The following TLL1 variants were observed in gnomAD, a reference collection of about 807,000 sequenced individuals.
The protein encoded by TLL1 is tolloid-like protein 1.
A neutral mutation model predicts 128.2 loss-of-function variants in TLL1; 49 were observed. That is an observed-to-expected ratio of 0.38 (90% confidence interval 0.30 to 0.48). TLL1 has a LOEUF of 0.48. Ranked by LOEUF, TLL1 falls within the 20% of genes least tolerant of loss-of-function variation. TLL1 has a pLI of 0.96. For missense variants in TLL1, 1,123 were observed against 1,242.0 expected (o/e 0.90, Z 1.44); for synonymous variants, 454 against 418.8 (o/e 1.08, Z -1.03).
chr4:165,916,826 G>A (rs764202765), intron 1 of TLL1, among the ~76,000 whole-genome samples: 1 of 151,992 alleles, frequency 6.6e-6, no homozygotes, highest in Non-Finnish European at 1.5e-5. Context: ...TTTAGCATTT[G>A]CCCAAGAATT....
At chr4:166,058,324 C>T (rs539894561) in intron 14 of TLL1, among the ~76,000 whole-genome samples, 1 of 152,166 alleles carries the variant, frequency 6.6e-6, no homozygotes, top group Non-Finnish European at 1.5e-5. Context: ...TTAATATAGT[C>T]TTTAGGTATA....
chr4:166,059,965 C>T, intron 14 of TLL1, 63 bp from the exon 15 acceptor site: 1 of 1,585,438 alleles, frequency 6.3e-7, no homozygotes, highest in Non-Finnish European at 8.6e-7. Context: ...AATTAATGGA[C>T]AGGTGCTAAG....
At chr4:165,920,845 A>G (rs1353342934) in intron 1 of TLL1, among the ~76,000 whole-genome samples, 1 of 152,232 alleles carries the variant, frequency 6.6e-6, no homozygotes, top group African/African-American at 2.4e-5. Flanking sequence ...TAGGAGGGAA[A>G]GCAAAGGTCT....
chr4:165,943,010 A>G (rs1734087610), intron 1 of TLL1, among the ~76,000 whole-genome samples: 3 of 152,070 alleles, frequency 2.0e-5, no homozygotes. Flanking sequence ...TCACTTACCA[A>G]AGGTGAATAG....
At chr4:166,013,573 A>T (rs1428504523) in intron 7 of TLL1, among the ~76,000 whole-genome samples, 3 of 151,848 alleles carry the variant, frequency 2.0e-5, no homozygotes, top group Non-Finnish European at 1.5e-5. Flanking sequence ...TGGTAAATCC[A>T]CAAACACACA....
chr4:165,958,541 C>T (rs1243421404), intron 1 of TLL1, among the ~76,000 whole-genome samples: 1 of 150,190 alleles, frequency 6.7e-6, no homozygotes, highest in Non-Finnish European at 1.5e-5. Context: ...ATCCTTTGCC[C>T]ACTTTTTGAT....
intron 17 of TLL1, among the ~76,000 whole-genome samples, chr4:166,076,223 C>A (rs1391358340): frequency 6.6e-6 from 1 of 152,130 alleles, no homozygotes; most frequent in African/African-American, 2.4e-5. Context: ...CAGGTGCACA[C>A]CACCATGCCT....
intron 1 of TLL1, among the ~76,000 whole-genome samples, chr4:165,967,506 G>A (rs920765311): frequency 6.6e-6 from 1 of 152,212 alleles, no homozygotes; most frequent in Non-Finnish European, 1.5e-5. Flanking sequence ...CACAATTTAT[G>A]TTCTTCTGCC....
chr4:166,015,262 C>G (rs1737881593), intron 8 of TLL1, among the ~76,000 whole-genome samples: 1 of 152,024 alleles, frequency 6.6e-6, no homozygotes, highest in Non-Finnish European at 1.5e-5. Flanking sequence ...TTGCATAACA[C>G]AGTCTTTTCC....
chr4:166,098,411 T>C (rs575819833), intron 19 of TLL1, among the ~76,000 whole-genome samples: 1 of 152,020 alleles, frequency 6.6e-6, no homozygotes, highest in East Asian at 1.9e-4. Context: ...AACCTTTTAT[T>C]CTCTAAATTA....
chr4:166,047,975 G>A (rs186029859), intron 12 of TLL1, among the ~76,000 whole-genome samples: 2 of 152,132 alleles, frequency 1.3e-5, no homozygotes, highest in East Asian at 3.9e-4. Context: ...TGTGGCTCAT[G>A]CCTGTAATCT....
intron 4 of TLL1, among the ~76,000 whole-genome samples, chr4:165,994,764 A>G (rs1274884831): frequency 2.0e-5 from 3 of 152,164 alleles, no homozygotes; most frequent in Non-Finnish European, 4.4e-5. Context: ...ACAGAGTTTC[A>G]GATGTGCCTA....
chr4:166,039,377 T>C lies in TLL1; in HGVS notation c.1197T>C (p.Ser399=). The change falls in exon 10 of 21, where the codon AGT becomes AGC. Residue 399 remains serine, a synonymous_variant. Transcript: ENST00000061240. ...TTACAACGATGGATCTATACAAGAG[T>C]AGTTTGTGCTGGTATGACTATATTG... ...LNFTTMDLYK[S]SLCWYDYIEV... 6.2e-7 allele frequency: 1 copy of C among 1,613,416 alleles called. No individual in the cohort carries two copies. Among genetic ancestry groups the C allele is most frequent in the Non-Finnish European group, 8.5e-7 (1 of 1,179,622 alleles).
At chr4:166,044,451 A>G in intron 12 of TLL1, 1 of 1,532,970 alleles carries the variant, frequency 6.5e-7, no homozygotes, top group Non-Finnish European at 8.7e-7. Context: ...CTATTTCTTC[A>G]GTACTTGTCT....
At chr4:165,906,217 C>A (rs1018399491) in intron 1 of TLL1, among the ~76,000 whole-genome samples, 1 of 152,096 alleles carries the variant, frequency 6.6e-6, no homozygotes, top group Non-Finnish European at 1.5e-5. Context: ...ATTTATTTTT[C>A]GGCCCTTTAA....
In TLL1 at chr4:166,053,020, GAGTT is replaced by G. The variant is rs1352120382; in HGVS notation, c.1525-2051_1525-2048del. On this transcript the variant is annotated intron_variant, in intron 12 of 20. Coordinates refer to ENST00000061240, the MANE Select transcript of TLL1 (RefSeq NM_012464.5). ...GGCTTGTCACCCCTGGTGACCAATT[GAGTT>G]AGTTTTTAAAATGTGCTTTTAAAAT... 2.3e-3 allele frequency among the ~76,000 whole-genome samples: 310 copies of G among 133,876 alleles called. 1 individual carries two copies. Among genetic ancestry groups the G allele is most frequent in the African/African-American group, 7.6e-3 (271 of 35,776 alleles). The allele number at this position is 133,876 out of a possible 152,430, so 87.8% of individuals were successfully genotyped here.
intron 1 of TLL1, among the ~76,000 whole-genome samples, chr4:165,901,809 G>A (rs1443045614): frequency 6.6e-6 from 1 of 152,186 alleles, no homozygotes; most frequent in African/African-American, 2.4e-5. Context: ...GAGCTGGCAG[G>A]CAGGAACATT....
intron 7 of TLL1, among the ~76,000 whole-genome samples, chr4:166,014,032 A>T (rs555465047): frequency 6.6e-6 from 1 of 151,952 alleles, no homozygotes; most frequent in South Asian, 2.1e-4. Flanking sequence ...AGTAACTTCA[A>T]CATTATTTAC....
At chr4:166,047,461 G>A (rs1739513791) in intron 12 of TLL1, among the ~76,000 whole-genome samples, 1 of 149,524 alleles carries the variant, frequency 6.7e-6, no homozygotes, top group Admixed American at 6.7e-5. Flanking sequence ...ACCGCACCTG[G>A]CCTCATTTAT....
Sources: allele counts gnomAD v4.1 joint callset (sites outside exome capture counted in the v4.1 genomes callset), GRCh38; gene constraint gnomAD v4.1.1; transcripts MANE v1.5; gene names NCBI Gene and HGNC (gene_info 2026-07-23, HGNC 2026-07-21).